Variants in QTMAN observed in about 807,000 individuals in gnomAD.
QTMAN encodes tRNA-queuosine alpha-mannosyltransferase.
At chr2:144,202,266 C>T in the QTMAN span, among the ~76,000 whole-genome samples, 24 of 152,166 alleles carry the variant, frequency 1.6e-4, no homozygotes, top group African/African-American at 5.6e-4. Flanking sequence ...TGCATCGTAG[C>T]TCTAGAGGCC....
At chr2:144,073,924 G>T in the QTMAN span, among the ~76,000 whole-genome samples, 1 of 152,138 alleles carries the variant, frequency 6.6e-6, no homozygotes. Flanking sequence ...TTCTACAAAT[G>T]AGGAGGCTGA....
the QTMAN span, among the ~76,000 whole-genome samples, chr2:144,019,439 TGTGTGTGTGTGTGTGTGTGTGTG>T: frequency 1.9e-3 from 194 of 103,820 alleles, 2 homozygotes; most frequent in African/African-American, 9.9e-3. Flanking sequence ...CATGCAGGTG[TGTGTGTGTGTGTGTGTGTGTGTG>T]TGTGTGTGTG....
the QTMAN span, among the ~76,000 whole-genome samples, chr2:144,029,850 CAATTA>C: frequency 6.6e-6 from 1 of 151,262 alleles, no homozygotes; most frequent in Non-Finnish European, 1.5e-5. Context: ...TGTGTTATTA[CAATTA>C]TATTATGTTA....
chr2:144,223,530 CAGAT>C, the QTMAN span, among the ~76,000 whole-genome samples: 1 of 152,094 alleles, frequency 6.6e-6, no homozygotes. Flanking sequence ...AGAAAACTGA[CAGAT>C]AAAGTTTATA....
At chr2:144,274,988 G>C in the QTMAN span, among the ~76,000 whole-genome samples, 16 of 152,102 alleles carry the variant, frequency 1.1e-4, no homozygotes, top group Non-Finnish European at 2.9e-5. Context: ...TTAATTATAG[G>C]ACACCCAGTT....
At chr2:143,962,901 T>A in the QTMAN span, among the ~76,000 whole-genome samples, 3 of 152,196 alleles carry the variant, frequency 2.0e-5, no homozygotes, top group Non-Finnish European at 4.4e-5. Context: ...TACATGCAGA[T>A]GTTGCCCCAC....
At chr2:144,178,731 A>C in the QTMAN span, 1 of 283,518 alleles carries the variant, frequency 3.5e-6, no homozygotes, top group Admixed American at 5.0e-5. Context: ...GTTACAACGA[A>C]AGCCAGAAAA....
the QTMAN span, among the ~76,000 whole-genome samples, chr2:144,003,398 T>C: frequency 4.0e-5 from 6 of 151,592 alleles, no homozygotes; most frequent in Admixed American, 2.0e-4. Flanking sequence ...AACATTTGTA[T>C]AGTATTTGGA....
chr2:144,127,642 G>A, the QTMAN span, among the ~76,000 whole-genome samples: 4 of 151,972 alleles, frequency 2.6e-5, no homozygotes, highest in South Asian at 6.2e-4. Context: ...GTGAAACAGA[G>A]GAGTAGGTGT....
chr2:143,978,629 C>T, the QTMAN span, among the ~76,000 whole-genome samples: 6 of 152,162 alleles, frequency 3.9e-5, no homozygotes, highest in Non-Finnish European at 5.9e-5. Flanking sequence ...ATTGAGTCTT[C>T]CCTACTCCTG....
At chr2:144,273,951 T>C in the QTMAN span, among the ~76,000 whole-genome samples, 1 of 152,064 alleles carries the variant, frequency 6.6e-6, no homozygotes, top group African/African-American at 2.4e-5. Context: ...CTGGCCAACA[T>C]GGTGAAACCC....
the QTMAN span, among the ~76,000 whole-genome samples, chr2:144,277,063 T>C: frequency 6.6e-6 from 1 of 152,212 alleles, no homozygotes; most frequent in Non-Finnish European, 1.5e-5. Context: ...AAAGTTCTAG[T>C]ATGAAGTAAG....
the QTMAN span, among the ~76,000 whole-genome samples, chr2:144,329,038 G>C: frequency 6.6e-6 from 1 of 151,948 alleles, no homozygotes; most frequent in Non-Finnish European, 1.5e-5. Context: ...GCGGGCGATC[G>C]AGACCAGCTT....
chr2:144,224,604 A>G, the QTMAN span, among the ~76,000 whole-genome samples: 1 of 152,118 alleles, frequency 6.6e-6, no homozygotes, highest in Non-Finnish European at 1.5e-5. Flanking sequence ...GGTTGTGAGG[A>G]AACACCTTGC....
chr2:144,311,631 T>C, the QTMAN span, among the ~76,000 whole-genome samples: 1 of 152,210 alleles, frequency 6.6e-6, no homozygotes, highest in Non-Finnish European at 1.5e-5. Flanking sequence ...ATGGCTTTGT[T>C]TATTCCCTCA....
the QTMAN span, among the ~76,000 whole-genome samples, chr2:143,972,404 T>C: frequency 5.3e-5 from 8 of 152,128 alleles, no homozygotes; most frequent in Non-Finnish European, 1.2e-4. Context: ...ATTTTGGCTA[T>C]GGATACCTAA....
At chr2:144,089,976 G>A in the QTMAN span, among the ~76,000 whole-genome samples, 192 of 152,050 alleles carry the variant, frequency 1.3e-3, no homozygotes, top group African/African-American at 4.4e-3. Flanking sequence ...CATATACCCC[G>A]TAAATTTGTA....
chr2:144,013,885 A>T, the QTMAN span, among the ~76,000 whole-genome samples: 1 of 152,156 alleles, frequency 6.6e-6, no homozygotes, highest in Non-Finnish European at 1.5e-5. Context: ...GATAATTAAA[A>T]AATCATGCTA....
At chr2:144,292,692 G>A in the QTMAN span, among the ~76,000 whole-genome samples, 1 of 151,916 alleles carries the variant, frequency 6.6e-6, no homozygotes, top group South Asian at 2.1e-4. Flanking sequence ...TGCTTACAAT[G>A]GAAATTGAGT....
Sources: gnomAD v4.1 joint callset for allele counts (sites outside exome capture counted in the v4.1 genomes callset) on GRCh38, gnomAD v4.1.1 for gene constraint, MANE v1.5 for transcripts, NCBI Gene and HGNC (gene_info 2026-07-23, HGNC 2026-07-21) for gene names.